Variants in TBCD observed in about 807,000 individuals in gnomAD.
TBCD encodes tubulin folding cofactor D, also known as tubulin-specific chaperone D.
Under a neutral mutation model 169.3 loss-of-function variants are expected in TBCD, and 105 were observed. The observed-to-expected ratio is 0.62, with a 90% CI of 0.53 to 0.73. The LOEUF is 0.73. Among genes scored for constraint, TBCD ranks in the 30% least tolerant of loss-of-function variants. TBCD has a pLI of 0.00. For synonymous variants in TBCD, 700 were observed against 643.9 expected, an observed-to-expected ratio of 1.09 and a Z score of -1.32; for missense variants, 1,444 against 1,600.1, an observed-to-expected ratio of 0.90 and a Z score of 1.66.
chr17:82,818,169 C>A (rs184818265), intron 13 of TBCD, among the ~76,000 whole-genome samples: 126 of 152,328 alleles, frequency 8.3e-4, no homozygotes, highest in Non-Finnish European at 1.2e-4. Context: ...GAAACTGACA[C>A]GTGATGTGGA....
rs2053627849 is a variant in TBCD, at chr17:82,832,755, G to T, written c.1318+17821G>T. Reference sequence around the variant, plus strand: ...GCAGAACCCCTGAAGGGCTGAAACTGCCTGCTCCTGAGGGGAGCAGCTGCC... The same window carrying T: ...GCAGAACCCCTGAAGGGCTGAAACTTCCTGCTCCTGAGGGGAGCAGCTGCC... On this transcript the variant is annotated intron_variant, in intron 13 of 38. Coordinates refer to ENST00000355528, the MANE Select transcript of TBCD (RefSeq NM_005993.5). This position sits in a 1 kb window ranked among gnomAD's most constrained non-coding sequence, Gnocchi z 4.9. 2 of 459,860 alleles carry T rather than the reference G, an allele frequency of 4.3e-6. No homozygotes were observed. The highest frequency in any genetic ancestry group is 3.9e-5 in the African/African-American group (2 of 50,860). The allele number at this position is 459,860 out of a possible 1,614,324, so 28.5% of individuals were successfully genotyped here.
At chr17:82,912,592 G>T (rs542525595) in intron 23 of TBCD, among the ~76,000 whole-genome samples, 1 of 150,794 alleles carries the variant, frequency 6.6e-6, no homozygotes, top group South Asian at 2.1e-4. Flanking sequence ...GAGTGTGGAG[G>T]CACAGCTGGT....
chr17:82,900,703 G>A lies in TBCD; in HGVS notation c.1702G>A (p.Val568Ile). Residue 568 changes from valine to isoleucine, a missense_variant, in exon 18 of 39, where the codon GTT (valine) becomes ATT (isoleucine). By Grantham distance (29) the Val-to-Ile change is conservative. Coordinates refer to ENST00000355528, the MANE Select transcript of TBCD (RefSeq NM_005993.5). ...EYTQPMIDHL[V>I]TMKISHWDGV... The stretch of plus-strand genomic sequence containing the variant: ...CACGCAGCCAATGATAGACCACCTG[G>A]TTACCATGAAGATCAGCCACTGGGA... 1 of 1,613,966 alleles carries A rather than the reference G, an allele frequency of 6.2e-7. No homozygotes were observed. The highest frequency in any genetic ancestry group is 1.1e-5 in the South Asian group (1 of 91,088).
At chr17:82,871,096 C>T (rs1420638337) in intron 14 of TBCD, among the ~76,000 whole-genome samples, 1 of 152,216 alleles carries the variant, frequency 6.6e-6, no homozygotes. Context: ...ATCACCAGAA[C>T]CCCAGAAGCT....
At position 82,903,848 on chromosome 17, in the gene TBCD, T is replaced by A. The variant is rs1369679332; in HGVS notation, c.1804+370T>A. Among the ~76,000 whole-genome samples, 4 of 22,574 alleles carry A rather than the reference T, an allele frequency of 1.8e-4. No individual in the cohort carries two copies. Among genetic ancestry groups the A allele is most frequent in the Non-Finnish European group, 2.6e-4 (3 of 11,400 alleles). The allele number at this position is 22,574 out of a possible 152,430, so 14.8% of individuals were successfully genotyped here. On this transcript the variant is annotated intron_variant, in intron 19 of 38. Transcript: ENST00000355528. This position sits in a 1 kb window ranked among gnomAD's most constrained non-coding sequence, Gnocchi z 4.8. ...CGACACTCCCTGGTCTCTAGGTGGC[T>A]CGCACCTGCCACACGACACTCCCTG... is the stretch of plus-strand genomic sequence containing the variant.
chr17:82,865,045 G>T (rs905920529), intron 13 of TBCD, among the ~76,000 whole-genome samples: 2 of 152,230 alleles, frequency 1.3e-5, no homozygotes, highest in Non-Finnish European at 2.9e-5. Context: ...CCTGCAGGCA[G>T]CTGAGGGCCT....
intron 18 of TBCD, among the ~76,000 whole-genome samples, chr17:82,901,267 G>A (rs1032343349): frequency 7.9e-5 from 12 of 152,356 alleles, no homozygotes; most frequent in South Asian, 2.1e-4. Context: ...TGTGACCGCC[G>A]CCCTGAGGAG....
At chr17:82,843,185 C>G (rs1567873235) in intron 13 of TBCD, among the ~76,000 whole-genome samples, 1 of 152,130 alleles carries the variant, frequency 6.6e-6, no homozygotes, top group African/African-American at 2.4e-5. Flanking sequence ...TGAAAATTTT[C>G]AAAATACAGA....
At chr17:82,770,069 T>C (rs1238327657) in intron 5 of TBCD, among the ~76,000 whole-genome samples, 1 of 152,096 alleles carries the variant, frequency 6.6e-6, no homozygotes, top group Non-Finnish European at 1.5e-5. Flanking sequence ...GGTGGATCCA[T>C]GTTTGAATCC....
At chr17:82,811,419 C>A (rs2051434493) in intron 12 of TBCD, among the ~76,000 whole-genome samples, 1 of 152,240 alleles carries the variant, frequency 6.6e-6, no homozygotes, top group African/African-American at 2.4e-5. Flanking sequence ...CTGGTTTAAT[C>A]TTCAGGTGCT....
intron 12 of TBCD, among the ~76,000 whole-genome samples, chr17:82,812,321 C>T (rs533174736): frequency 3.9e-5 from 6 of 152,318 alleles, no homozygotes; most frequent in East Asian, 3.9e-4. Flanking sequence ...GCCTCCCCCT[C>T]GCCCGCCGCC....
chr17:82,753,326 G>A (rs937177316), intron 1 of TBCD, among the ~76,000 whole-genome samples: 2 of 152,062 alleles, frequency 1.3e-5, no homozygotes, highest in African/African-American at 4.8e-5. Context: ...TTCTTCGGGT[G>A]TAAGCTGGGG....
At chr17:82,877,112 T>C in intron 14 of TBCD, 1 of 487,366 alleles carries the variant, frequency 2.1e-6, no homozygotes, top group Non-Finnish European at 2.7e-6. Flanking sequence ...ACATGTGACC[T>C]TTCAGTAGTA....
chr17:82,774,637 A>T (rs586050), intron 6 of TBCD, among the ~76,000 whole-genome samples: 1 of 151,744 alleles, frequency 6.6e-6, no homozygotes. Context: ...GGGCAGAGGC[A>T]CCCCCCACCT....
chr17:82,792,911 C>T (rs1598522519), intron 7 of TBCD, among the ~76,000 whole-genome samples: 2 of 152,056 alleles, frequency 1.3e-5, no homozygotes, highest in Non-Finnish European at 1.5e-5. Flanking sequence ...TACAGGTGGA[C>T]GCCACCACAC....
rs1325653408 is a variant in TBCD, at chr17:82,809,749, A to G, written c.1190A>G (p.Asp397Gly). ...MAGRLPRALA[D>G]DVVGSVLDCF... ...GGCAGGCTTCCCAGAGCCCTGGCGG[A>G]TGATGTGGTCGGGTCTGTGCTGGAC... The change falls in exon 12 of 39, where the codon GAT becomes GGT. Residue 397 changes from aspartate (D) to glycine (G), a missense_variant. By Grantham distance (94) the Asp-to-Gly change is moderately conservative (BLOSUM62 -1). Coordinates refer to ENST00000355528, the MANE Select transcript of TBCD (RefSeq NM_005993.5). The G allele has an allele frequency of 8.7e-6, 14 of 1,613,546 alleles. No individual in the cohort carries two copies. The highest frequency in any genetic ancestry group is 1.0e-5 in the Non-Finnish European group (12 of 1,179,714).
chr17:82,789,166 G>T lies in TBCD; in HGVS notation c.771+7445G>T, dbSNP rs1034739920. Among the ~76,000 whole-genome samples the T allele has an allele frequency of 6.6e-6, 1 of 152,284 alleles. No individual in the cohort carries two copies. The highest frequency in any genetic ancestry group is 2.4e-5 in the African/African-American group (1 of 41,564). ...TCCTGTAGCATTTGGGTGAAACGAG[G>T]TACCCCAGGCCACGCTGGTTCGGTC... On this transcript the variant is annotated intron_variant, in intron 7 of 38. Transcript: ENST00000355528. The surrounding 1 kb of genome is among the most constrained non-coding windows in gnomAD (Gnocchi z 4.8).
At chr17:82,772,942 C>T (rs531720036) in intron 6 of TBCD, among the ~76,000 whole-genome samples, 1 of 152,136 alleles carries the variant, frequency 6.6e-6, no homozygotes, top group Non-Finnish European at 1.5e-5. Flanking sequence ...GTGCCCCAGA[C>T]AGGGGAAGGT....
At position 82,929,631 on chromosome 17, in the gene TBCD, G is replaced by C. The variant is rs775581858; in HGVS notation, c.2991+131G>C. 6.7e-5 allele frequency: 89 copies of C among 1,318,846 alleles called. 1 individual carries two copies. The South Asian group carries it at 1.1e-3, about 16-fold the overall frequency. The allele number at this position is 1,318,846 out of a possible 1,614,324, so 81.7% of individuals were successfully genotyped here. A position where few individuals can be genotyped will look rare whatever the true frequency, so the allele number is the denominator to read the frequency against. ...TTTCTATCTCTCTCGGGCATATTTG[G>C]TTAGGGGGTCAGGGGCCCAGTGTCT... On this transcript the variant is annotated intron_variant, in intron 32 of 38. Transcript: ENST00000355528.
Sources: allele counts gnomAD v4.1 joint callset (sites outside exome capture counted in the v4.1 genomes callset), GRCh38; gene constraint gnomAD v4.1.1; non-coding constraint Gnocchi (gnomAD v3.1); transcripts MANE v1.5; gene names NCBI Gene and HGNC (gene_info 2026-07-23, HGNC 2026-07-21).